NYAP2: variants seen among roughly 807,000 people sequenced by gnomAD.
NYAP2 encodes the protein neuronal tyrosine-phosphorylated phosphoinositide-3-kinase adaptor 2, also known as neuronal tyrosine-phosphorylated phosphoinositide-3-kinase adapter 2.
In NYAP2, 23 loss-of-function variants were observed where a neutral mutation model predicts 50.4. The observed-to-expected ratio is 0.46, with a 90% confidence interval of 0.33 to 0.65. NYAP2 has a LOEUF of 0.65. NYAP2 is among the 30% of genes least tolerant of loss of function. NYAP2 has a pLI of 0.02. For missense variants in NYAP2, 885 were observed against 861.0 expected, an observed-to-expected ratio of 1.03 and a Z score of -0.35; for synonymous variants, 394 against 365.2, an observed-to-expected ratio of 1.08 and a Z score of -0.90.
At chr2:225,439,834 G>T (rs545820909) in intron 3 of NYAP2, among the ~76,000 whole-genome samples, 2 of 152,152 alleles carry the variant, frequency 1.3e-5, no homozygotes, top group East Asian at 3.8e-4. Context: ...ATTTAATAGA[G>T]TGGAAACAGA....
intron 6 of NYAP2, among the ~76,000 whole-genome samples, chr2:225,644,818 A>G (rs1438169608): frequency 6.6e-6 from 1 of 151,542 alleles, no homozygotes; most frequent in African/African-American, 2.4e-5. Flanking sequence ...TTTTGGTACC[A>G]GTACCATGCT....
At chr2:225,663,132 G>C in the NYAP2 span, among the ~76,000 whole-genome samples, 2,967 of 152,272 alleles carry the variant, frequency 0.019, 92 homozygotes, top group African/African-American at 0.067. Flanking sequence ...CATGCATGGA[G>C]CACTAGGGAG....
chr2:225,405,628 G>GCTTA (rs1694928129), intron 2 of NYAP2, among the ~76,000 whole-genome samples: 1 of 151,916 alleles, frequency 6.6e-6, no homozygotes, highest in South Asian at 2.1e-4. Context: ...ATGAACATAA[G>GCTTA]GTTCTCTTTT....
intron 4 of NYAP2, among the ~76,000 whole-genome samples, chr2:225,554,505 A>T (rs1363573348): frequency 6.6e-6 from 1 of 151,864 alleles, no homozygotes; most frequent in African/African-American, 2.4e-5. Context: ...TTGTACTTTT[A>T]GTAGAGACAG....
the NYAP2 span, among the ~76,000 whole-genome samples, chr2:225,660,613 AAC>A: frequency 7.2e-5 from 11 of 152,130 alleles, no homozygotes; most frequent in Non-Finnish European, 1.6e-4. Context: ...AGCCTGTGGA[AAC>A]ACAGCATAAC....
At chr2:225,671,511 C>G in the NYAP2 span, among the ~76,000 whole-genome samples, 1 of 152,132 alleles carries the variant, frequency 6.6e-6, no homozygotes, top group South Asian at 2.1e-4. Flanking sequence ...TTTACCACAT[C>G]TGCAGTCCAC....
chr2:225,590,994 A>G (rs1430772614), intron 5 of NYAP2, among the ~76,000 whole-genome samples: 1 of 152,208 alleles, frequency 6.6e-6, no homozygotes, highest in Non-Finnish European at 1.5e-5. Flanking sequence ...TTCAGACAGG[A>G]GCTGGTGCTG....
chr2:225,650,768 G>T (rs933404148), intron 6 of NYAP2, among the ~76,000 whole-genome samples: 2 of 152,118 alleles, frequency 1.3e-5, no homozygotes, highest in African/African-American at 4.8e-5. Context: ...CAAATATCCT[G>T]TACTTTCTGG....
the NYAP2 span, among the ~76,000 whole-genome samples, chr2:225,681,365 A>G: frequency 3.3e-5 from 5 of 152,242 alleles, no homozygotes; most frequent in South Asian, 1.0e-3. Flanking sequence ...AAGGTCCTCA[A>G]TAAATAATTA....
the NYAP2 span, among the ~76,000 whole-genome samples, chr2:225,696,598 T>C: frequency 8.5e-5 from 13 of 152,062 alleles, no homozygotes; most frequent in East Asian, 1.4e-3. Context: ...GAGAATTTGA[T>C]TTAGCTTTGT....
intron 3 of NYAP2, among the ~76,000 whole-genome samples, chr2:225,453,833 A>AATT (rs1176046157): frequency 7.4e-5 from 10 of 135,784 alleles, no homozygotes; most frequent in African/African-American, 3.2e-4. Context: ...ACGCCCGGCT[A>AATT]ATTTTTTTTT....
At chr2:225,408,869 G>T (rs1022022178) in exon 3 of NYAP2, 2 of 1,572,708 alleles carry the variant, frequency 1.3e-6, no homozygotes, top group Middle Eastern at 1.7e-4. Context: ...TGCAGGCAGT[G>T]TTCCTCTTTA....
chr2:225,593,384 G>T (rs1692543488), intron 5 of NYAP2, among the ~76,000 whole-genome samples: 1 of 152,130 alleles, frequency 6.6e-6, no homozygotes, highest in South Asian at 2.1e-4. Flanking sequence ...TGGCTGATCT[G>T]TAAATCTCCA....
chr2:225,491,904 G>T (rs185998363), intron 3 of NYAP2, among the ~76,000 whole-genome samples: 1 of 152,314 alleles, frequency 6.6e-6, no homozygotes, highest in East Asian at 1.9e-4. Flanking sequence ...TTAGCTGGAT[G>T]TTCTCCAGTA....
intron 3 of NYAP2, among the ~76,000 whole-genome samples, chr2:225,476,471 A>C (rs559801709): frequency 6.6e-6 from 1 of 152,272 alleles, no homozygotes; most frequent in East Asian, 1.9e-4. Flanking sequence ...CATTGTAGGA[A>C]CATTCTATTT....
chr2:225,645,237 A>AG (rs1376251974), intron 6 of NYAP2, among the ~76,000 whole-genome samples: 6 of 137,414 alleles, frequency 4.4e-5, no homozygotes, highest in African/African-American at 1.6e-4. Flanking sequence ...CAGCCTGGGC[A>AG]GAAAAAAAAA....
chr2:225,571,889 C>A (rs1692079535), intron 4 of NYAP2, among the ~76,000 whole-genome samples: 1 of 152,138 alleles, frequency 6.6e-6, no homozygotes, highest in African/African-American at 2.4e-5. Flanking sequence ...AACTTTTATT[C>A]TCTACTTCCT....
At chr2:225,609,008 A>G (rs1216596688) in intron 5 of NYAP2, among the ~76,000 whole-genome samples, 1 of 152,054 alleles carries the variant, frequency 6.6e-6, no homozygotes. Flanking sequence ...CTCACCTTCT[A>G]AACTATGGCT....
chr2:225,402,732 A>G (rs1694883230), intron 2 of NYAP2, among the ~76,000 whole-genome samples: 1 of 152,008 alleles, frequency 6.6e-6, no homozygotes, highest in Non-Finnish European at 1.5e-5. Flanking sequence ...AACATTTCCC[A>G]TTTTGGGCAG....
Sources: gnomAD v4.1 joint callset for allele counts (sites outside exome capture counted in the v4.1 genomes callset) on GRCh38, gnomAD v4.1.1 for gene constraint, MANE v1.5 for transcripts, NCBI Gene and HGNC (gene_info 2026-07-23, HGNC 2026-07-21) for gene names.